The following MDGA2 variants were observed in gnomAD, a reference collection of about 807,000 sequenced individuals.
The protein encoded by MDGA2 is MAM domain containing glycosylphosphatidylinositol anchor 2, also known as MAM domain-containing glycosylphosphatidylinositol anchor protein 2.
A neutral mutation model predicts 117.8 loss-of-function variants in MDGA2; 40 were observed. The observed-to-expected ratio is 0.34, with a 90% CI of 0.26 to 0.44. The LOEUF (loss-of-function observed/expected upper bound fraction) is 0.44. Ranked by LOEUF, MDGA2 falls within the 20% of genes least tolerant of loss-of-function variation. The probability of loss-of-function intolerance (pLI) is 1.00; values close to 1 mark genes in which losing one functional copy is unlikely to be tolerated. For missense variants in MDGA2, 1,123 were observed against 1,250.6 expected (o/e 0.90, Z 1.54); for synonymous variants, 452 against 439.0 (o/e 1.03, Z -0.37).
intron 6 of MDGA2, among the ~76,000 whole-genome samples, chr14:47,088,844 T>C (rs1189454710): frequency 6.6e-6 from 1 of 152,182 alleles, no homozygotes; most frequent in Non-Finnish European, 1.5e-5. Flanking sequence ...TGTACAGTCA[T>C]TTGTAAGAAA....
At chr14:47,224,698 T>A (rs895295822) in intron 2 of MDGA2, among the ~76,000 whole-genome samples, 1 of 152,162 alleles carries the variant, frequency 6.6e-6, no homozygotes, top group Admixed American at 6.5e-5. Flanking sequence ...TGATCTGCTA[T>A]AATTATTGGG....
chr14:47,502,662 T>C (rs764720600), intron 1 of MDGA2, among the ~76,000 whole-genome samples: 2 of 152,062 alleles, frequency 1.3e-5, no homozygotes, highest in Non-Finnish European at 2.9e-5. Context: ...GGTTTTTTTG[T>C]TTTATTATTT....
chr14:47,365,318 G>A (rs1891209280), intron 1 of MDGA2, among the ~76,000 whole-genome samples: 2 of 152,182 alleles, frequency 1.3e-5, no homozygotes, highest in South Asian at 2.1e-4. Flanking sequence ...AGGTTCTCCC[G>A]TGGAAGCTGA....
chr14:47,397,936 C>T (rs895053039), intron 1 of MDGA2, among the ~76,000 whole-genome samples: 1 of 152,142 alleles, frequency 6.6e-6, no homozygotes, highest in African/African-American at 2.4e-5. Flanking sequence ...TGGTGACTAA[C>T]AATTACATAG....
chr14:46,996,598 A>G (rs1224316243), intron 8 of MDGA2: 1 of 152,362 alleles, frequency 6.6e-6, no homozygotes, highest in Non-Finnish European at 1.5e-5. Context: ...GAATGCTGAG[A>G]TTTCTCAAAT....
intron 1 of MDGA2, among the ~76,000 whole-genome samples, chr14:47,544,638 T>G (rs1208642450): frequency 6.6e-6 from 1 of 152,124 alleles, no homozygotes; most frequent in Admixed American, 6.5e-5. Flanking sequence ...TCCAGAGGAG[T>G]ACACTGAATA....
chr14:47,634,876 C>G (rs563275888), intron 1 of MDGA2, among the ~76,000 whole-genome samples: 3 of 152,068 alleles, frequency 2.0e-5, no homozygotes, highest in Non-Finnish European at 4.4e-5. Flanking sequence ...GAATCACTTT[C>G]AAAAGAGCAC....
chr14:47,276,267 G>C (rs1888308746), intron 2 of MDGA2, among the ~76,000 whole-genome samples: 1 of 152,112 alleles, frequency 6.6e-6, no homozygotes, highest in Non-Finnish European at 1.5e-5. Flanking sequence ...AACCTCCTTA[G>C]ATGAATGAGG....
intron 2 of MDGA2, among the ~76,000 whole-genome samples, chr14:47,222,298 A>G (rs1481961687): frequency 1.3e-5 from 2 of 151,946 alleles, no homozygotes; most frequent in Non-Finnish European, 2.9e-5. Flanking sequence ...TAATATTTAT[A>G]TATAATAAGA....
At chr14:47,061,170 A>C in intron 7 of MDGA2, 79 bp downstream of exon 7, 1 of 1,333,794 alleles carries the variant, frequency 7.5e-7, no homozygotes, top group Admixed American at 2.3e-5. Flanking sequence ...AATATTTTTA[A>C]CTAAAACCTA....
At chr14:47,393,470 A>T (rs1370416511) in intron 1 of MDGA2, among the ~76,000 whole-genome samples, 1 of 152,134 alleles carries the variant, frequency 6.6e-6, no homozygotes, top group East Asian at 1.9e-4. Flanking sequence ...TAAAATTAAA[A>T]TACCACAGAT....
At chr14:46,925,398 A>C (rs1884287254) in intron 9 of MDGA2, among the ~76,000 whole-genome samples, 1 of 152,052 alleles carries the variant, frequency 6.6e-6, no homozygotes, top group Non-Finnish European at 1.5e-5. Flanking sequence ...TTGGGAGGTC[A>C]AGGTGGGAGG....
chr14:47,631,103 G>A (rs886594811), intron 1 of MDGA2, among the ~76,000 whole-genome samples: 6 of 152,160 alleles, frequency 3.9e-5, no homozygotes, highest in Admixed American at 1.3e-4. Context: ...GAAGGCTTTT[G>A]CAGTAGTAAT....
intron 1 of MDGA2, among the ~76,000 whole-genome samples, chr14:47,444,757 G>T (rs537122846): frequency 6.6e-6 from 1 of 152,126 alleles, no homozygotes; most frequent in African/African-American, 2.4e-5. Context: ...TAGATGTAAT[G>T]GTCACTAAGC....
At chr14:47,541,988 C>A (rs1020078721) in intron 1 of MDGA2, among the ~76,000 whole-genome samples, 1 of 152,244 alleles carries the variant, frequency 6.6e-6, no homozygotes, top group South Asian at 2.1e-4. Context: ...GCTCTCTCAA[C>A]GCATTATCAT....
Position 47,296,755 on chromosome 14 carries a change from G to C in MDGA2, c.420+4656C>G, listed in dbSNP as rs541772924. Among the ~76,000 whole-genome samples, 4 of 152,276 alleles carry C rather than the reference G, an allele frequency of 2.6e-5. No homozygotes were observed. In the South Asian group the frequency reaches 8.3e-4, roughly 32 times the overall value. On this transcript the variant is annotated intron_variant, in intron 2 of 16. Coordinates refer to ENST00000399232, the MANE Select transcript of MDGA2 (RefSeq NM_001113498.3). ...ACATTTCACAAAGATGTACATACAG[G>C]CAACACAAACATATACCCTACAAGT...
intron 8 of MDGA2, among the ~76,000 whole-genome samples, chr14:47,010,031 A>C (rs1395302094): frequency 2.0e-5 from 3 of 152,062 alleles, no homozygotes; most frequent in African/African-American, 7.2e-5. Context: ...CTTACGGAAG[A>C]GTTCTGATTA....
chr14:47,345,440 A>C (rs1219138017), intron 1 of MDGA2, among the ~76,000 whole-genome samples: 1 of 152,156 alleles, frequency 6.6e-6, no homozygotes, highest in African/African-American at 2.4e-5. Context: ...AAGTTTTCAT[A>C]TCCATTTGCA....
intron 1 of MDGA2, among the ~76,000 whole-genome samples, chr14:47,454,642 C>G (rs111253159): frequency 1.3e-5 from 2 of 152,082 alleles, no homozygotes; most frequent in South Asian, 4.1e-4. Flanking sequence ...ATAATAATTT[C>G]TCAGGTTTAA....
Sources: allele counts gnomAD v4.1 joint callset (sites outside exome capture counted in the v4.1 genomes callset), GRCh38; gene constraint gnomAD v4.1.1; transcripts MANE v1.5; gene names NCBI Gene and HGNC (gene_info 2026-07-23, HGNC 2026-07-21).